Variants in SMIM36 observed in about 807,000 individuals in gnomAD.
SMIM36 encodes the protein small integral membrane protein 36.
chr17:55,512,141 A>G (rs1910192325), upstream of SMIM36, among the ~76,000 whole-genome samples: 1 of 152,238 alleles, frequency 6.6e-6, no homozygotes, highest in Non-Finnish European at 1.5e-5. Context: ...ATGCAGAAGC[A>G]ACATTTAACC....
At chr17:55,493,398 A>C (rs950438185) in intron 1 of SMIM36, among the ~76,000 whole-genome samples, 6 of 152,176 alleles carry the variant, frequency 3.9e-5, no homozygotes, top group African/African-American at 1.4e-4. Context: ...TAGTCTGTAG[A>C]ATCAGGAATA....
intron 4 of SMIM36, among the ~76,000 whole-genome samples, chr17:55,462,999 C>T (rs1054626818): frequency 6.6e-6 from 1 of 152,084 alleles, no homozygotes; most frequent in Non-Finnish European, 1.5e-5. Flanking sequence ...TCTTCATTTA[C>T]CCAAGAACAT....
exon 1 of SMIM36, chr17:55,510,956 G>A (rs1910170061): frequency 2.5e-6 from 1 of 397,052 alleles, no homozygotes; most frequent in Non-Finnish European, 4.4e-6. Flanking sequence ...CCTTCATCAA[G>A]CGGGATACAT....
chr17:55,513,108 G>A (rs565468494), upstream of SMIM36, among the ~76,000 whole-genome samples: 1 of 152,160 alleles, frequency 6.6e-6, no homozygotes. Flanking sequence ...GGAATCTATT[G>A]GGTCTCTTTT....
At chr17:55,498,773 T>C (rs1045259010) in intron 1 of SMIM36, among the ~76,000 whole-genome samples, 1 of 150,398 alleles carries the variant, frequency 6.6e-6, no homozygotes, top group Non-Finnish European at 1.5e-5. Context: ...CCGAGGCGGG[T>C]GGATCACTTG....
intron 1 of SMIM36, among the ~76,000 whole-genome samples, chr17:55,483,112 G>T (rs1029225406): frequency 6.6e-6 from 1 of 152,230 alleles, no homozygotes; most frequent in Non-Finnish European, 1.5e-5. Flanking sequence ...TTGAACTAAT[G>T]TGAGTTCCTC....
chr17:55,478,653 T>C (rs1359080497), intron 3 of SMIM36, 109 bp downstream of exon 3: 1 of 152,166 alleles, frequency 6.6e-6, no homozygotes, highest in African/African-American at 2.4e-5. Flanking sequence ...ATGGAATCCT[T>C]CCTTCAAACA....
chr17:55,517,646 G>A, the SMIM36 span, among the ~76,000 whole-genome samples: 1 of 152,184 alleles, frequency 6.6e-6, no homozygotes, highest in South Asian at 2.1e-4. Context: ...TGAACAACTC[G>A]GGTATATGGA....
chr17:55,488,922 CATCATCAT>C (rs1439536136), intron 1 of SMIM36, among the ~76,000 whole-genome samples: 1 of 104,928 alleles, frequency 9.5e-6, no homozygotes, highest in East Asian at 2.3e-4. Flanking sequence ...TCATCATCAT[CATCATCAT>C]TGCTAATATT....
At chr17:55,457,733 C>T (rs1260237735) in intron 4 of SMIM36, among the ~76,000 whole-genome samples, 3 of 151,906 alleles carry the variant, frequency 2.0e-5, no homozygotes, top group African/African-American at 7.3e-5. Context: ...ACTATATTGG[C>T]CAGGCTGGTC....
chr17:55,522,183 A>T, the SMIM36 span, among the ~76,000 whole-genome samples: 1 of 152,108 alleles, frequency 6.6e-6, no homozygotes, highest in South Asian at 2.1e-4. Flanking sequence ...TGGACACTCT[A>T]AGCCACTACC....
At chr17:55,496,516 A>C (rs1420615173) in intron 1 of SMIM36, among the ~76,000 whole-genome samples, 1 of 152,230 alleles carries the variant, frequency 6.6e-6, no homozygotes, top group Admixed American at 6.5e-5. Context: ...AGCCCAAGAA[A>C]GTCAAAGTCG....
At chr17:55,487,358 T>A (rs1386241678) in intron 1 of SMIM36, among the ~76,000 whole-genome samples, 3 of 152,104 alleles carry the variant, frequency 2.0e-5, no homozygotes, top group South Asian at 4.2e-4. Flanking sequence ...TCATAAAAAA[T>A]AAATAAATAA....
chr17:55,475,190 A>G (rs1048014599), intron 3 of SMIM36, among the ~76,000 whole-genome samples: 1 of 152,078 alleles, frequency 6.6e-6, no homozygotes, highest in Non-Finnish European at 1.5e-5. Flanking sequence ...TCAACTACTC[A>G]TAAATGCCCT....
At chr17:55,513,678 A>G (rs1350189899), upstream of SMIM36, among the ~76,000 whole-genome samples, 1 of 152,210 alleles carries the variant, frequency 6.6e-6, no homozygotes, top group Non-Finnish European at 1.5e-5. Flanking sequence ...AACAATATTT[A>G]GGGGAGTTAT....
At chr17:55,450,388 T>C (rs554593021) in intron 4 of SMIM36, 90 bp from the exon 5 acceptor site, 1 of 152,374 alleles carries the variant, frequency 6.6e-6, no homozygotes, top group Admixed American at 6.5e-5. Flanking sequence ...ACTAACAGCA[T>C]ATCTAATCTT....
chr17:55,488,302 T>C (rs1193895430), intron 1 of SMIM36, among the ~76,000 whole-genome samples: 4 of 152,206 alleles, frequency 2.6e-5, no homozygotes, highest in African/African-American at 9.7e-5. Flanking sequence ...CTGCAGTCTG[T>C]TAGCGTGGAG....
intron 1 of SMIM36, among the ~76,000 whole-genome samples, chr17:55,488,073 C>CTTTTTCAGGTTGGCTGA (rs1567867667): frequency 6.6e-6 from 1 of 152,150 alleles, no homozygotes; most frequent in African/African-American, 2.4e-5. Flanking sequence ...AAAATTAAAC[C>CTTTTTCAGGTTGGCTGA]TTTTTCAGGT....
chr17:55,459,073 C>T (rs1394856010), intron 4 of SMIM36, among the ~76,000 whole-genome samples: 1 of 152,188 alleles, frequency 6.6e-6, no homozygotes, highest in Non-Finnish European at 1.5e-5. Flanking sequence ...ACACTACTAA[C>T]ATTCATCCCT....
Sources: gnomAD v4.1 joint callset for allele counts (sites outside exome capture counted in the v4.1 genomes callset) on GRCh38, gnomAD v4.1.1 for gene constraint, MANE v1.5 for transcripts, NCBI Gene and HGNC (gene_info 2026-07-23, HGNC 2026-07-21) for gene names.